Variants in FAR2 observed in about 807,000 individuals in gnomAD.
FAR2 encodes epididymis secretory protein Li 81.
FAR2 carries 19 observed loss-of-function variants against 56.0 expected under a neutral mutation model. The ratio of observed to expected loss-of-function variants is 0.34; its 90% CI spans 0.24 to 0.50. The LOEUF (loss-of-function observed/expected upper bound fraction) is 0.50. FAR2 is among the 20% of genes least tolerant of loss of function. The pLI is 0.98. For missense variants in FAR2, 508 were observed against 642.2 expected, an observed-to-expected ratio of 0.79 and a Z score of 2.26; for synonymous variants, 219 against 218.8, an observed-to-expected ratio of 1.00 and a Z score of -0.01.
intron 1 of FAR2, among the ~76,000 whole-genome samples, chr12:29,166,775 C>T (rs1042124885): frequency 7.2e-5 from 11 of 152,236 alleles, no homozygotes; most frequent in African/African-American, 2.7e-4. Context: ...CTAAATCTGA[C>T]AGTTCACTCT....
At chr12:29,254,207 A>C (rs1403782394) in intron 1 of FAR2, among the ~76,000 whole-genome samples, 1 of 152,212 alleles carries the variant, frequency 6.6e-6, no homozygotes, top group Non-Finnish European at 1.5e-5. Flanking sequence ...TTCTCCTGGA[A>C]AAACTATATA....
intron 1 of FAR2, among the ~76,000 whole-genome samples, chr12:29,166,860 G>A (rs953210923): frequency 6.6e-6 from 1 of 152,020 alleles, no homozygotes. Context: ...AGTTCAGCAG[G>A]ACTTTCATTC....
chr12:29,316,844 T>C lies in FAR2; in HGVS notation c.959T>C (p.Val320Ala), dbSNP rs753117466. Reference sequence around the variant, plus strand: ...ACTTACTTTCTTTTTTCCCCAGGAGTCCAAGTCTTGGCAACCTTTGAAAAA... The same window carrying C: ...ACTTACTTTCTTTTTTCCCCAGGAGCCCAAGTCTTGGCAACCTTTGAAAAA... The part of the protein sequence containing the change: ...MNPCNWHKMG[V>A]QVLATFEKIP... The change falls in exon 9 of 12, where the codon GTC becomes GCC. Residue 320 changes from valine to alanine, a missense_variant. Coordinates refer to ENST00000536681, the MANE Select transcript of FAR2 (RefSeq NM_001271783.2). The C allele has an allele frequency of 8.7e-6, 14 of 1,613,844 alleles. No individual in the cohort carries two copies. In the African/African-American group the frequency reaches 1.2e-4, roughly 14 times the overall value.
In FAR2 at chr12:29,176,914, G is replaced by A. The variant is rs569036290; in HGVS notation, c.-39+27507G>A. Reference sequence around the variant, plus strand: ...GAAGTGATGGCTTGGTTGTGGAGAAGGCAGAAATTATAGGTTAAATTAGTA... The same window carrying A: ...GAAGTGATGGCTTGGTTGTGGAGAAAGCAGAAATTATAGGTTAAATTAGTA... On this transcript the variant is annotated intron_variant, in intron 1 of 11. Transcript: ENST00000536681. Among the ~76,000 whole-genome samples, 5 of 152,300 alleles carry A rather than the reference G, an allele frequency of 3.3e-5. No homozygotes were observed. The East Asian group carries it at 9.6e-4, about 29-fold the overall frequency.
intron 1 of FAR2, among the ~76,000 whole-genome samples, chr12:29,269,194 A>G (rs1309982802): frequency 6.6e-6 from 1 of 152,072 alleles, no homozygotes; most frequent in East Asian, 1.9e-4. Flanking sequence ...ACCATAAAAG[A>G]CAGGTGCACC....
intron 1 of FAR2, among the ~76,000 whole-genome samples, chr12:29,188,852 G>A (rs1022083621): frequency 5.9e-5 from 9 of 151,472 alleles, no homozygotes; most frequent in Non-Finnish European, 1.3e-4. Flanking sequence ...CCCAGTCTGA[G>A]GTTTATCTGA....
At chr12:29,253,964 A>G (rs1214845882) in intron 1 of FAR2, among the ~76,000 whole-genome samples, 1 of 152,158 alleles carries the variant, frequency 6.6e-6, no homozygotes, top group Non-Finnish European at 1.5e-5. Flanking sequence ...TGATTTTTTT[A>G]AAAAAGACTT....
chr12:29,259,969 AT>A (rs1306387965), intron 1 of FAR2, among the ~76,000 whole-genome samples: 1 of 152,222 alleles, frequency 6.6e-6, no homozygotes, highest in African/African-American at 2.4e-5. Flanking sequence ...GTCTGAGAAA[AT>A]ATGAAAGGAG....
chr12:29,154,837 A>C lies in FAR2; in HGVS notation c.-39+5430A>C, dbSNP rs533627165. On this transcript the variant is annotated intron_variant, in intron 1 of 11. Coordinates refer to ENST00000536681, the MANE Select transcript of FAR2 (RefSeq NM_001271783.2). ...CTACATTTCCTAAACTTGACGTTGA[A>C]ATGCTTTTCCAGCAGAACATCTAAG... Among the ~76,000 whole-genome samples the C allele has an allele frequency of 8.3e-4, 126 of 152,308 alleles. 1 individual carries two copies. Among genetic ancestry groups the C allele is most frequent in the African/African-American group, 2.9e-3 (119 of 41,574 alleles).
rs567126075 is a variant in FAR2, at chr12:29,176,458, AT to A, written c.-39+27060del. On this transcript the variant is annotated intron_variant, in intron 1 of 11. Transcript: ENST00000536681. ...AACGTTTTGAACATCTTTAGTTTGC[AT>A]TTTTTTTTCAACTGGGAAAAGAGAC... Among the ~76,000 whole-genome samples the A allele has an allele frequency of 5.0e-4, 76 of 150,616 alleles. 2 individuals carry two copies. The South Asian group carries it at 0.016, about 31-fold the overall frequency.
chr12:29,272,373 G>A (rs1424475441), intron 2 of FAR2, among the ~76,000 whole-genome samples: 1 of 152,042 alleles, frequency 6.6e-6, no homozygotes, highest in Non-Finnish European at 1.5e-5. Context: ...TCTTATTTCA[G>A]TAAGGTGGTC....
At chr12:29,157,985 G>A (rs199808563) in intron 1 of FAR2, among the ~76,000 whole-genome samples, 2 of 152,124 alleles carry the variant, frequency 1.3e-5, no homozygotes, top group African/African-American at 4.8e-5. Flanking sequence ...TTCAATAAAG[G>A]ATATTTAATA....
intron 1 of FAR2, among the ~76,000 whole-genome samples, chr12:29,237,595 T>G (rs955039151): frequency 6.6e-6 from 1 of 152,242 alleles, no homozygotes; most frequent in African/African-American, 2.4e-5. Context: ...ACTTGTGTGA[T>G]TGAGCTGTCA....
chr12:29,333,759 T>C lies in FAR2; in HGVS notation c.1513T>C (p.Ser505Pro). The change falls in exon 12 of 12, where the codon TCC (serine) becomes CCC (proline). Residue 505 changes from serine to proline, a missense_variant. Transcript: ENST00000536681. The stretch of plus-strand genomic sequence containing the variant: ...TGTAAGCTTCTGTTATAAATTCCTC[T>C]CCTACTTTAGAGCATCCAGCACGCT... Reference protein sequence around the residue: ...FIVSFCYKFLSYFRASSTLKV With the variant: ...FIVSFCYKFLPYFRASSTLKV The C allele has an allele frequency of 1.9e-6, 3 of 1,613,840 alleles. No individual in the cohort carries two copies. Among genetic ancestry groups the C allele is most frequent in the Non-Finnish European group, 2.5e-6 (3 of 1,179,754 alleles).
At chr12:29,182,932 C>T (rs1310378553) in intron 1 of FAR2, among the ~76,000 whole-genome samples, 4 of 124,664 alleles carry the variant, frequency 3.2e-5, no homozygotes, top group Non-Finnish European at 3.2e-5. Flanking sequence ...TATCTTTACT[C>T]ATTGTCTTTT....
At chr12:29,202,818 G>A (rs1947432953) in intron 1 of FAR2, among the ~76,000 whole-genome samples, 1 of 152,092 alleles carries the variant, frequency 6.6e-6, no homozygotes, top group South Asian at 2.1e-4. Flanking sequence ...AGAAGCAGAT[G>A]CTGGCACTAT....
chr12:29,297,082 C>T lies in FAR2; in HGVS notation c.427C>T (p.Pro143Ser), dbSNP rs1949084877. 1.2e-6 allele frequency: 2 copies of T among 1,613,238 alleles called. No homozygotes were observed. Among genetic ancestry groups the T allele is most frequent in the Non-Finnish European group, 8.5e-7 (1 of 1,179,568 alleles). Residue 143 changes from proline (P) to serine (S), a missense_variant, in exon 4 of 12, where the codon CCA becomes TCA. Transcript: ENST00000536681. ...GCTCTTGCTTATGGCTAGTCAGATG[C>T]CAAAGCTGGAAGCCTTTATACATAT... is the stretch of plus-strand genomic sequence containing the variant. ...RQLLLMASQM[P>S]KLEAFIHIST... is the part of the protein sequence containing the mutation.
At chr12:29,299,213 C>CAG (rs1565512259) in intron 4 of FAR2, among the ~76,000 whole-genome samples, 4 of 103,584 alleles carry the variant, frequency 3.9e-5, no homozygotes, top group East Asian at 2.6e-4. Flanking sequence ...AACTTTGTCT[C>CAG]AAAAAAAAAA....
intron 4 of FAR2, among the ~76,000 whole-genome samples, chr12:29,303,578 A>G (rs1232164240): frequency 6.6e-6 from 1 of 152,168 alleles, no homozygotes; most frequent in Non-Finnish European, 1.5e-5. Flanking sequence ...AGGCAGGGGA[A>G]TGGAGGCCCC....
Sources: allele counts gnomAD v4.1 joint callset (sites outside exome capture counted in the v4.1 genomes callset), GRCh38; gene constraint gnomAD v4.1.1; transcripts MANE v1.5; gene names NCBI Gene and HGNC (gene_info 2026-07-23, HGNC 2026-07-21).